SIN3A: variants seen among roughly 807,000 people sequenced by gnomAD.
SIN3A encodes SIN3 transcription regulator family member A.
In SIN3A, 14 loss-of-function variants were observed where a neutral mutation model predicts 146.1. That is an observed-to-expected ratio of 0.10 (90% CI 0.06 to 0.15). The LOEUF (loss-of-function observed/expected upper bound fraction) is 0.15, where lower values mean the gene tolerates loss of function less well. Among genes scored for constraint, SIN3A ranks in the 10% least tolerant of loss-of-function variants. The pLI, the probability that SIN3A is intolerant of heterozygous loss-of-function variation, is 1.00. For synonymous variants in SIN3A, 572 were observed against 572.0 expected (o/e 1.00, Z 0.00); for missense variants, 1,028 against 1,576.0 (o/e 0.65, Z 5.89).
At chr15:75,445,020 AG>A (rs1380962619) in intron 1 of SIN3A, among the ~76,000 whole-genome samples, 1 of 151,854 alleles carries the variant, frequency 6.6e-6, no homozygotes, top group Non-Finnish European at 1.5e-5. Flanking sequence ...GCTTGAGTCC[AG>A]GAAGACCAGC....
intron 4 of SIN3A, 90 bp from the exon 5 acceptor site, chr15:75,413,135 C>A: frequency 7.6e-7 from 1 of 1,315,336 alleles, no homozygotes; most frequent in South Asian, 1.4e-5. Context: ...TCTTTTGAGA[C>A]GGAGTCTCAC....
chr15:75,418,065 CTT>C (rs1292279881), intron 3 of SIN3A, among the ~76,000 whole-genome samples: 2 of 151,974 alleles, frequency 1.3e-5, no homozygotes, highest in African/African-American at 4.8e-5. Flanking sequence ...AAGTCTTGCT[CTT>C]GTCTCCCAGG....
At chr15:75,418,783 C>T (rs2073789551) in intron 3 of SIN3A, among the ~76,000 whole-genome samples, 1 of 151,932 alleles carries the variant, frequency 6.6e-6, no homozygotes, top group African/African-American at 2.4e-5. Context: ...GAGACAGAGT[C>T]TCGCTCTATC....
chr15:75,410,050 G>A (rs2073601956), intron 7 of SIN3A, 59 bp from the exon 8 acceptor site: 1 of 1,605,624 alleles, frequency 6.2e-7, no homozygotes, highest in South Asian at 1.1e-5. Context: ...ATATCATCTA[G>A]GAAAAGTCCC....
At chr15:75,414,878 C>T (rs1333409165) in intron 3 of SIN3A, among the ~76,000 whole-genome samples, 2 of 152,024 alleles carry the variant, frequency 1.3e-5, no homozygotes, top group East Asian at 3.9e-4. Flanking sequence ...AAAGCGGCAG[C>T]ACGGGTAAAA....
At chr15:75,433,845 CCACT>C (rs1257814332) in intron 1 of SIN3A, among the ~76,000 whole-genome samples, 3 of 152,036 alleles carry the variant, frequency 2.0e-5, no homozygotes, top group Non-Finnish European at 2.9e-5. Flanking sequence ...CAAACAATTA[CCACT>C]CAAAGTTCTA....
Position 75,428,885 on chromosome 15 carries a change from C to T in SIN3A, c.189+1302G>A, listed in dbSNP as rs188403629. ...CTAACCCTTCATCTTCTTTCTCCCT[C>T]CTCCTCAGCCTCCTCAATGTGAAGA... On this transcript the variant is annotated intron_variant, in intron 2 of 20. Transcript: ENST00000394947. 1.4e-3 allele frequency among the ~76,000 whole-genome samples: 206 copies of T among 152,290 alleles called. 1 individual carries two copies. The Middle Eastern group carries it at 0.031, about 23-fold the overall frequency.
At chr15:75,424,396 T>C (rs376196697) in intron 2 of SIN3A, among the ~76,000 whole-genome samples, 6 of 152,202 alleles carry the variant, frequency 3.9e-5, no homozygotes, top group African/African-American at 1.4e-4. Context: ...ATCACGCCAC[T>C]GCACTCCAGC....
intron 9 of SIN3A, among the ~76,000 whole-genome samples, chr15:75,405,665 C>T (rs533039775): frequency 2.0e-5 from 3 of 152,144 alleles, no homozygotes; most frequent in East Asian, 1.9e-4. Flanking sequence ...GCTGGAGAAT[C>T]GCTTGAGCCA....
rs1329618954 is a variant in SIN3A, at chr15:75,381,504, A to C, written c.3288+109T>G. ...TTTAAGCATCCAGGTCCTGACCCTTAAACAGGCCTGAGGTGCCTTGGCCTT... is the reference window on the plus strand; with the variant it reads ...TTTAAGCATCCAGGTCCTGACCCTTCAACAGGCCTGAGGTGCCTTGGCCTT... On this transcript the variant is annotated intron_variant, in intron 18 of 20. Coordinates refer to ENST00000394947, the MANE Select transcript of SIN3A (RefSeq NM_001145358.2). 7.8e-6 allele frequency: 6 copies of C among 773,800 alleles called. No individual in the cohort carries two copies. In the Admixed American group the frequency reaches 1.1e-4, roughly 15 times the overall value. The allele number at this position is 773,800 out of a possible 1,614,324, so 47.9% of individuals were successfully genotyped here.
intron 20 of SIN3A, 42 bp downstream of exon 20, chr15:75,375,623 G>C: frequency 6.7e-7 from 1 of 1,501,710 alleles, no homozygotes; most frequent in Non-Finnish European, 9.3e-7. Context: ...GTCCTAGCTA[G>C]GGTGGGAGAT....
chr15:75,416,975 T>TCACTC (rs2073749640), intron 3 of SIN3A, among the ~76,000 whole-genome samples: 1 of 152,144 alleles, frequency 6.6e-6, no homozygotes, highest in Admixed American at 6.5e-5. Flanking sequence ...GTGTCAACCT[T>TCACTC]CACTCTAAAC....
chr15:75,411,726 T>C lies in SIN3A; in HGVS notation c.774A>G (p.Ala258=), dbSNP rs2073643958. 1 of 1,602,586 alleles carries C rather than the reference T, an allele frequency of 6.2e-7. No individual in the cohort carries two copies. The highest frequency in any genetic ancestry group is 8.5e-7 in the Non-Finnish European group (1 of 1,172,542). ...GAGTCTGCTGACTGGCCGGAGTATG[T>C]GCTTGCAGTTGGGAGGGCTAGAAAG... ...AKVSKPSQLQ[A]HTPASQQTPP... Residue 258 remains alanine (A), a synonymous_variant, in exon 6 of 21, where the codon GCA becomes GCG. Coordinates refer to ENST00000394947, the MANE Select transcript of SIN3A (RefSeq NM_001145358.2).
At chr15:75,372,380 G>T (rs1325724668) in intron 20 of SIN3A, among the ~76,000 whole-genome samples, 171 bp from the exon 21 acceptor site, 1 of 152,020 alleles carries the variant, frequency 6.6e-6, no homozygotes, top group South Asian at 2.1e-4. Context: ...TGTTTAAAGA[G>T]AAGTTAAAGA....
intron 1 of SIN3A, among the ~76,000 whole-genome samples, chr15:75,442,000 G>A (rs1450279016): frequency 6.6e-6 from 1 of 151,138 alleles, no homozygotes; most frequent in East Asian, 2.0e-4. Context: ...CGCACCCGTA[G>A]TCCCAGCTAC....
chr15:75,379,833 G>A (rs2072931924), intron 19 of SIN3A, among the ~76,000 whole-genome samples: 1 of 152,200 alleles, frequency 6.6e-6, no homozygotes, highest in Non-Finnish European at 1.5e-5. Context: ...CCTATACACA[G>A]AGGGAACATT....
intron 15 of SIN3A, among the ~76,000 whole-genome samples, chr15:75,391,117 T>C: frequency 6.6e-6 from 1 of 152,330 alleles, no homozygotes; most frequent in Non-Finnish European, 1.5e-5. Flanking sequence ...TATCACATTC[T>C]TTAGCTCCAT....
At chr15:75,449,683 A>C (rs2074366874) in intron 1 of SIN3A, among the ~76,000 whole-genome samples, 1 of 152,250 alleles carries the variant, frequency 6.6e-6, no homozygotes, top group Non-Finnish European at 1.5e-5. Context: ...GTATAAATAG[A>C]AAGTGGTCTA....
intron 1 of SIN3A, among the ~76,000 whole-genome samples, chr15:75,445,759 G>GAA (rs774883850): frequency 2.4e-4 from 21 of 86,460 alleles, no homozygotes; most frequent in African/African-American, 8.4e-4. Context: ...TCAAAAAAAA[G>GAA]AAAAAAAAAA....
Sources: allele counts gnomAD v4.1 joint callset (sites outside exome capture counted in the v4.1 genomes callset), GRCh38; gene constraint gnomAD v4.1.1; transcripts MANE v1.5; gene names NCBI Gene and HGNC (gene_info 2026-07-23, HGNC 2026-07-21).